Variants in ZNF883 observed in about 807,000 individuals in gnomAD.
The protein encoded by ZNF883 is zinc finger protein 883.
chr9:112,995,984 T>A (rs1288557410), downstream of ZNF883, among the ~76,000 whole-genome samples: 1 of 152,162 alleles, frequency 6.6e-6, no homozygotes, highest in East Asian at 1.9e-4. Context: ...TATTAAAGCA[T>A]TTCTTTTCTT....
At chr9:112,996,530 G>A (rs978057942), downstream of ZNF883, among the ~76,000 whole-genome samples, 5 of 151,910 alleles carry the variant, frequency 3.3e-5, no homozygotes, top group East Asian at 5.8e-4. Context: ...GGTGGCTCAC[G>A]CCTGTAATCC....
intron 2 of ZNF883, among the ~76,000 whole-genome samples, chr9:113,004,288 A>G (rs1828454437): frequency 6.6e-6 from 1 of 152,252 alleles, no homozygotes; most frequent in African/African-American, 2.4e-5. Flanking sequence ...CAGAACTGTG[A>G]GATAATAAAT....
chr9:112,998,148 C>T (rs778783072), exon 1 of ZNF883: 3 of 1,613,866 alleles, frequency 1.9e-6, no homozygotes, highest in Middle Eastern at 1.6e-4. Flanking sequence ...TAAGGTTTTT[C>T]TCCAATATGT....
intron 2 of ZNF883, among the ~76,000 whole-genome samples, chr9:113,006,944 C>A (rs1402979770): frequency 2.6e-5 from 4 of 151,992 alleles, no homozygotes; most frequent in Non-Finnish European, 5.9e-5. Flanking sequence ...GCCTGTAATC[C>A]CAGCATTTTG....
intron 2 of ZNF883, among the ~76,000 whole-genome samples, chr9:113,009,064 C>T (rs1828505460): frequency 6.6e-6 from 1 of 152,120 alleles, no homozygotes; most frequent in Non-Finnish European, 1.5e-5. Context: ...GCTTCCTAGC[C>T]AGTATCCATG....
At chr9:112,995,183 T>C (rs570024498), downstream of ZNF883, among the ~76,000 whole-genome samples, 29 of 152,162 alleles carry the variant, frequency 1.9e-4, no homozygotes, top group South Asian at 8.3e-4. Context: ...ATCCAATCCA[T>C]TGTAGGCCCA....
chr9:112,994,576 T>G (rs1170403419), downstream of ZNF883, among the ~76,000 whole-genome samples: 1 of 152,206 alleles, frequency 6.6e-6, no homozygotes, highest in Non-Finnish European at 1.5e-5. Context: ...ATCTTTACAT[T>G]ATTTTTCCAA....
exon 1 of ZNF883, chr9:112,997,974 G>C: frequency 6.2e-7 from 1 of 1,613,774 alleles, no homozygotes; most frequent in Non-Finnish European, 8.5e-7. Context: ...CACTCATAAG[G>C]TTTCTCCCCA....
chr9:113,011,204 A>C (rs1317499459), exon 2 of ZNF883: 2 of 152,132 alleles, frequency 1.3e-5, no homozygotes, highest in Non-Finnish European at 2.9e-5. Flanking sequence ...TTATATAAGT[A>C]AGTAGAGACC....
chr9:112,991,897 T>A (rs1828307018), intron 1 of ZNF883, among the ~76,000 whole-genome samples: 1 of 152,230 alleles, frequency 6.6e-6, no homozygotes, highest in Admixed American at 6.5e-5. Flanking sequence ...AAACTAGTAT[T>A]GCAACCTCTG....
chr9:113,001,475 T>C (rs1404324752), upstream of ZNF883, among the ~76,000 whole-genome samples: 1 of 152,112 alleles, frequency 6.6e-6, no homozygotes, highest in Non-Finnish European at 1.5e-5. Context: ...TAAAGGTATA[T>C]AGAAATGAAG....
chr9:112,996,927 T>G (rs970028584), downstream of ZNF883, among the ~76,000 whole-genome samples: 6 of 151,900 alleles, frequency 3.9e-5, no homozygotes, highest in Non-Finnish European at 7.4e-5. Flanking sequence ...AACACTTCCA[T>G]TATAACTTTC....
chr9:113,001,674 T>A (rs1464213570), upstream of ZNF883, among the ~76,000 whole-genome samples: 1 of 152,186 alleles, frequency 6.6e-6, no homozygotes, highest in Non-Finnish European at 1.5e-5. Context: ...GTTATCTGAT[T>A]CTTTCCTGGC....
downstream of ZNF883, among the ~76,000 whole-genome samples, chr9:112,994,137 C>T (rs1047182385): frequency 8.5e-5 from 13 of 152,156 alleles, no homozygotes; most frequent in African/African-American, 2.9e-4. Context: ...TGTGGGCTCA[C>T]GAAGGGGATC....
chr9:112,998,211 C>G, exon 1 of ZNF883: 3 of 1,613,526 alleles, frequency 1.9e-6, no homozygotes, highest in Non-Finnish European at 2.5e-6. Flanking sequence ...TTCCCACATT[C>G]AGTACAGAGA....
downstream of ZNF883, among the ~76,000 whole-genome samples, chr9:112,996,699 G>A (rs930936000): frequency 2.1e-4 from 30 of 145,818 alleles, no homozygotes; most frequent in African/African-American, 7.3e-4. Flanking sequence ...GCTGAGGCAG[G>A]AGAATGGCGT....
downstream of ZNF883, among the ~76,000 whole-genome samples, chr9:112,993,781 C>G (rs187044307): frequency 6.6e-6 from 1 of 152,222 alleles, no homozygotes; most frequent in African/African-American, 2.4e-5. Flanking sequence ...GAGGCCCCAC[C>G]CAGTGAGGAG....
chr9:113,011,593 C>T (rs988093449), intron 1 of ZNF883, among the ~76,000 whole-genome samples: 1 of 151,994 alleles, frequency 6.6e-6, no homozygotes, highest in Non-Finnish European at 1.5e-5. Context: ...GGAATCAATT[C>T]CACAGTTCTT....
chr9:112,997,284 A>G, exon 1 of ZNF883: 1 of 1,614,188 alleles, frequency 6.2e-7, no homozygotes, highest in South Asian at 1.1e-5. Flanking sequence ...GATTTCCCAC[A>G]TTCATTACAC....
Sources: gnomAD v4.1 joint callset for allele counts (sites outside exome capture counted in the v4.1 genomes callset) on GRCh38, gnomAD v4.1.1 for gene constraint, MANE v1.5 for transcripts, NCBI Gene and HGNC (gene_info 2026-07-23, HGNC 2026-07-21) for gene names.